Variants in ANO2 observed in about 807,000 individuals in gnomAD.
The protein encoded by ANO2 is anoctamin 2, also known as anoctamin-2.
ANO2 carries 101 observed loss-of-function variants against 124.2 expected under a neutral mutation model. The observed-to-expected ratio is 0.81, with a 90% CI of 0.69 to 0.96. The LOEUF is 0.96. Among genes scored for constraint, ANO2 ranks in the 40% least tolerant of loss-of-function variants. The pLI is 0.00. For synonymous variants in ANO2, 486 were observed against 482.5 expected, an observed-to-expected ratio of 1.01 and a Z score of -0.09; for missense variants, 1,293 against 1,274.5, an observed-to-expected ratio of 1.01 and a Z score of -0.22.
At chr12:5,864,230 T>G (rs1405800265) in intron 3 of ANO2, among the ~76,000 whole-genome samples, 1 of 152,134 alleles carries the variant, frequency 6.6e-6, no homozygotes, top group Admixed American at 6.5e-5. Flanking sequence ...AAGTGAACAT[T>G]TCTCTTGGGA....
At chr12:5,567,861 C>T (rs1456581075) in intron 23 of ANO2, among the ~76,000 whole-genome samples, 1 of 152,214 alleles carries the variant, frequency 6.6e-6, no homozygotes, top group African/African-American at 2.4e-5. Context: ...TTGAAAATAG[C>T]TCGATGCAGA....
At position 5,931,151 on chromosome 12, in the gene ANO2, A is replaced by C. The variant is rs145507210; in HGVS notation, c.23-8347T>G. Among the ~76,000 whole-genome samples the C allele has an allele frequency of 7.5e-3, 1,147 of 152,298 alleles. 7 individuals are homozygous for C. The highest frequency in any genetic ancestry group is 0.026 in the African/African-American group (1,073 of 41,556). On this transcript the variant is annotated intron_variant, in intron 1 of 24. Transcript: ENST00000682330. ...GTGGTTGCCTACTCTTCTTAGGATG[A>C]AGACCAAATTGTCATATATGACATA...
chr12:5,584,138 C>CA (rs987243433), intron 20 of ANO2: 56 of 165,098 alleles, frequency 3.4e-4, no homozygotes, highest in African/African-American at 1.3e-3. Context: ...AACACCCCCC[C>CA]CCCGCCGCAA....
At chr12:5,851,984 T>C (rs1954926941) in intron 4 of ANO2, 2 of 732,182 alleles carry the variant, frequency 2.7e-6, no homozygotes, top group South Asian at 2.9e-5. Context: ...GCAGCAGAGA[T>C]TAAAACATAG....
intron 7 of ANO2, among the ~76,000 whole-genome samples, chr12:5,808,261 C>A (rs1953265521): frequency 1.3e-5 from 2 of 152,246 alleles, no homozygotes; most frequent in South Asian, 4.1e-4. Context: ...GCAGACCCTA[C>A]TAAACAAATG....
chr12:5,878,377 T>C (rs953208378), intron 3 of ANO2, among the ~76,000 whole-genome samples: 11 of 152,312 alleles, frequency 7.2e-5, no homozygotes, highest in Non-Finnish European at 1.5e-4. Flanking sequence ...AGCACTTAAG[T>C]GCTTTTCCAT....
intron 4 of ANO2, among the ~76,000 whole-genome samples, chr12:5,844,613 C>T (rs150647906): frequency 9.9e-5 from 15 of 152,088 alleles, no homozygotes; most frequent in African/African-American, 9.7e-5. Flanking sequence ...TCTTACTGTA[C>T]GGGTGAGAAA....
chr12:5,680,008 G>A (rs996149424), intron 14 of ANO2, among the ~76,000 whole-genome samples: 13 of 152,208 alleles, frequency 8.5e-5, no homozygotes, highest in African/African-American at 2.9e-4. Context: ...GGAGTTGGAA[G>A]CCATTATTCT....
chr12:5,563,914 T>C (rs1299059932), intron 24 of ANO2, among the ~76,000 whole-genome samples: 1 of 152,218 alleles, frequency 6.6e-6, no homozygotes, highest in Non-Finnish European at 1.5e-5. Flanking sequence ...TGTCCAGTTC[T>C]TGCTTCTTGG....
intron 3 of ANO2, among the ~76,000 whole-genome samples, chr12:5,863,993 G>T (rs1328755096): frequency 1.3e-5 from 2 of 152,130 alleles, no homozygotes; most frequent in Non-Finnish European, 2.9e-5. Flanking sequence ...TCTACAAAAG[G>T]ATTTTTTAAA....
chr12:5,917,979 T>G (rs1362328667), intron 3 of ANO2, among the ~76,000 whole-genome samples: 4 of 152,312 alleles, frequency 2.6e-5, no homozygotes. Flanking sequence ...GTAATTGGCC[T>G]TAAGAGCTCA....
chr12:5,623,666 G>C lies in ANO2; in HGVS notation c.1817-8369C>G, dbSNP rs1945241434. ...GGCCAGGAGAGGACGCCAGCTGCAG[G>C]CTCTGAATCTTGGAAAAGCAGCTCC... On this transcript the variant is annotated intron_variant, in intron 16 of 24. Coordinates refer to ENST00000682330, the MANE Select transcript of ANO2 (RefSeq NM_001364791.2). Among the ~76,000 whole-genome samples the C allele has an allele frequency of 3.3e-5, 5 of 152,296 alleles. No individual in the cohort carries two copies. The South Asian group carries it at 1.0e-3, about 32-fold the overall frequency.
chr12:5,721,060 C>T (rs1158838557), intron 14 of ANO2, among the ~76,000 whole-genome samples: 1 of 152,134 alleles, frequency 6.6e-6, no homozygotes, highest in Non-Finnish European at 1.5e-5. Flanking sequence ...CTCCATGAAG[C>T]CCGAACCACG....
intron 10 of ANO2, among the ~76,000 whole-genome samples, chr12:5,782,252 C>A (rs1197405516): frequency 6.6e-6 from 1 of 152,116 alleles, no homozygotes; most frequent in Non-Finnish European, 1.5e-5. Flanking sequence ...TTAATATAGC[C>A]ACTTCAGTTT....
At chr12:5,901,814 G>A (rs1283620605) in intron 3 of ANO2, among the ~76,000 whole-genome samples, 1 of 152,182 alleles carries the variant, frequency 6.6e-6, no homozygotes, top group East Asian at 1.9e-4. Flanking sequence ...CCACAAGGAA[G>A]ATATTTTCCA....
chr12:5,638,921 T>G (rs1036127213), intron 15 of ANO2, among the ~76,000 whole-genome samples: 4 of 152,146 alleles, frequency 2.6e-5, no homozygotes, highest in Non-Finnish European at 5.9e-5. Context: ...GAAGACCTCT[T>G]CGCCACCCTC....
chr12:5,704,529 C>G, intron 14 of ANO2, among the ~76,000 whole-genome samples: 1 of 152,164 alleles, frequency 6.6e-6, no homozygotes, highest in Admixed American at 6.5e-5. Context: ...TAGCCTTTTA[C>G]TGAACTTTGT....
chr12:5,604,337 G>A (rs999116288), intron 19 of ANO2, among the ~76,000 whole-genome samples: 8 of 152,150 alleles, frequency 5.3e-5, no homozygotes. Context: ...GGAAACCCAC[G>A]AGACAACTAA....
chr12:5,920,080 G>GATGC (rs1186777390), intron 3 of ANO2, among the ~76,000 whole-genome samples: 168 of 91,216 alleles, frequency 1.8e-3, no homozygotes, highest in African/African-American at 4.5e-3. Flanking sequence ...TGGATGGATG[G>GATGC]ATGCATGCAT....
Sources: allele counts gnomAD v4.1 joint callset (sites outside exome capture counted in the v4.1 genomes callset), GRCh38; gene constraint gnomAD v4.1.1; transcripts MANE v1.5; gene names NCBI Gene and HGNC (gene_info 2026-07-23, HGNC 2026-07-21).